STK36: variants seen among roughly 807,000 people sequenced by gnomAD.
The protein encoded by STK36 is serine/threonine-protein kinase 36.
A neutral mutation model predicts 142.2 loss-of-function variants in STK36; 116 were observed. The observed-to-expected ratio is 0.82, with a 90% CI of 0.70 to 0.95. STK36 has a LOEUF of 0.95. Among genes scored for constraint, STK36 ranks in the 40% least tolerant of loss-of-function variants. The probability of loss-of-function intolerance (pLI) is 0.00; values close to 1 mark genes in which losing one functional copy is unlikely to be tolerated. For synonymous variants in STK36, 619 were observed against 641.7 expected (o/e 0.96, Z 0.53); for missense variants, 1,422 against 1,617.2 (o/e 0.88, Z 2.07).
chr2:218,677,461 T>A (rs1028555413), intron 6 of STK36, among the ~76,000 whole-genome samples: 2 of 152,226 alleles, frequency 1.3e-5, no homozygotes, highest in African/African-American at 4.8e-5. Context: ...GTCTTAATTC[T>A]GGGAGGGTGT....
intron 13 of STK36, 110 bp downstream of exon 13, chr2:218,690,066 C>A (rs1940936491): frequency 4.6e-6 from 5 of 1,081,318 alleles, no homozygotes; most frequent in South Asian, 1.4e-5. Context: ...TGATTTGTTA[C>A]AGGTTTAGGA....
intron 6 of STK36, among the ~76,000 whole-genome samples, chr2:218,677,196 G>A (rs1277375816): frequency 1.3e-5 from 2 of 152,210 alleles, no homozygotes; most frequent in African/African-American, 4.8e-5. Flanking sequence ...GCCTCCCAAA[G>A]TGCTGGGATC....
intron 1 of STK36, 72 bp downstream of exon 1, chr2:218,672,287 C>T: frequency 2.1e-6 from 1 of 466,170 alleles, no homozygotes; most frequent in Non-Finnish European, 3.9e-6. Flanking sequence ...GCAACGTATG[C>T]AGGCAGCCAG....
At chr2:218,676,003 C>T in intron 5 of STK36, 26 bp from the exon 6 acceptor site, 6 of 1,611,008 alleles carry the variant, frequency 3.7e-6, no homozygotes, top group Non-Finnish European at 5.1e-6. Context: ...TTTCCCTTTC[C>T]ATTTCCATCC....
chr2:218,701,140 T>TA (rs1331545356), intron 26 of STK36, among the ~76,000 whole-genome samples: 4 of 151,206 alleles, frequency 2.6e-5, no homozygotes, highest in African/African-American at 9.7e-5. Flanking sequence ...GAAGATCTTT[T>TA]TTTTTTTTTT....
intron 2 of STK36, 71 bp downstream of exon 2, chr2:218,672,984 AAGGAATGTATTTAT>A: frequency 1.5e-6 from 2 of 1,378,888 alleles, no homozygotes; most frequent in Non-Finnish European, 1.0e-6. Context: ...ATGGATCTAG[AAGGAATGTATTTAT>A]ACCAGTTTGT....
At position 218,693,967 on chromosome 2, in the gene STK36, C is replaced by T; in HGVS notation, c.2320C>T (p.Gln774Ter). The T allele has an allele frequency of 1.2e-6, 2 of 1,614,218 alleles. No individual in the cohort carries two copies. The highest frequency in any genetic ancestry group is 1.3e-5 in the African/African-American group (1 of 75,062). Residue 774 changes from glutamine to a stop codon, truncating the protein, a stop_gained, in exon 19 of 27, where the codon CAA becomes TAA. Coordinates refer to ENST00000295709, the MANE Select transcript of STK36 (RefSeq NM_015690.5). LOFTEE classifies it high-confidence loss of function. ...CCTCTCCCTTCTTGTCTTTCGGCTC[C>T]AAAACCTGCCTTGTGGGTAAGTCAT... is the stretch of plus-strand genomic sequence containing the variant. ...YFLSLLVFRL[Q>*]NLPCGMEKLG...
At chr2:218,684,874 C>T in intron 10 of STK36, 1 of 501,368 alleles carries the variant, frequency 2.0e-6, no homozygotes, top group Non-Finnish European at 3.5e-6. Context: ...TTTATGCACA[C>T]ATGCCGGTGT....
intron 9 of STK36, among the ~76,000 whole-genome samples, 159 bp downstream of exon 9, chr2:218,680,239 A>T (rs1056751618): frequency 2.0e-5 from 3 of 152,094 alleles, no homozygotes; most frequent in Admixed American, 2.0e-4. Context: ...CTAATTATAG[A>T]TGTTTTTCTG....
chr2:218,680,798 T>C, intron 10 of STK36, 96 bp downstream of exon 10: 1 of 963,358 alleles, frequency 1.0e-6, no homozygotes, highest in East Asian at 2.7e-5. Context: ...ACTCCCTAAG[T>C]ATGAGCTCCC....
intron 14 of STK36, among the ~76,000 whole-genome samples, chr2:218,691,906 A>T (rs1227829932): frequency 1.3e-5 from 2 of 152,222 alleles, no homozygotes; most frequent in Non-Finnish European, 2.9e-5. Flanking sequence ...ACTTTGAGAA[A>T]CATCATCTAG....
chr2:218,698,023 A>G (rs1340261871), intron 25 of STK36, 22 bp downstream of exon 25: 1 of 1,613,886 alleles, frequency 6.2e-7, no homozygotes, highest in Non-Finnish European at 8.5e-7. Context: ...GCTAGCATGA[A>G]GGTGGGAGAG....
intron 11 of STK36, among the ~76,000 whole-genome samples, chr2:218,687,676 G>A (rs543929833): frequency 2.0e-4 from 30 of 152,264 alleles, no homozygotes; most frequent in African/African-American, 7.0e-4. Context: ...CATTAGCTGC[G>A]TGATCTTGGA....
intron 6 of STK36, 77 bp from the exon 7 acceptor site, chr2:218,679,091 G>A: frequency 1.4e-6 from 2 of 1,392,348 alleles, no homozygotes; most frequent in Non-Finnish European, 2.0e-6. Flanking sequence ...GGGATTCTTG[G>A]TTTGCTAGTT....
chr2:218,679,227 C>T lies in STK36; in HGVS notation c.744C>T (p.Leu248=), dbSNP rs763860177. The change falls in exon 7 of 27, where the codon CTC becomes CTT. Residue 248 remains leucine, a synonymous_variant. Coordinates refer to ENST00000295709, the MANE Select transcript of STK36 (RefSeq NM_015690.5). ...GGCAGCGACTGTCCTGGCCAGACCT[C>T]TTATATCACCCCTTTATTGCTGGTC... is the stretch of plus-strand genomic sequence containing the variant. ...DPRQRLSWPD[L]LYHPFIAGHV... 1 of 1,614,222 alleles carries T rather than the reference C, an allele frequency of 6.2e-7. No individual in the cohort carries two copies. Among genetic ancestry groups the T allele is most frequent in the Non-Finnish European group, 8.5e-7 (1 of 1,180,030 alleles).
In STK36 at chr2:218,673,652, T is replaced by C. The variant is rs764565304; in HGVS notation, c.112T>C (p.Leu38=). ...QVVALKFIPK[L]GRSEKELRNL... Reference sequence around the variant, plus strand: ...CGTGGCCCTGAAGTTCATCCCAAAATTGGGGCGCTCAGAGAAGGAGCTGAG... The same window carrying C: ...CGTGGCCCTGAAGTTCATCCCAAAACTGGGGCGCTCAGAGAAGGAGCTGAG... The change falls in exon 3 of 27, where the codon TTG becomes CTG. Residue 38 remains leucine (L), a synonymous_variant. Coordinates refer to ENST00000295709, the MANE Select transcript of STK36 (RefSeq NM_015690.5). 3 of 1,614,040 alleles carry C rather than the reference T, an allele frequency of 1.9e-6. No individual in the cohort carries two copies. The highest frequency in any genetic ancestry group is 2.5e-6 in the Non-Finnish European group (3 of 1,179,996).
Position 218,675,473 on chromosome 2 carries a change from G to C in STK36, c.434G>C (p.Gly145Ala), listed in dbSNP as rs745599918. ...GGTGGCATCAAGCTCTGTGACTTTG[G>C]GTAAAGATTCTGAGCATCCATCTAA... Reference protein sequence around the residue: ...KGGGIKLCDFGFARAMSTNTM... With the variant: ...KGGGIKLCDFAFARAMSTNTM... Residue 145 changes from glycine to alanine, a missense_variant and splice_region_variant, in exon 5 of 27, where the codon GGA (glycine) becomes GCA (alanine). By Grantham distance (60) the Gly-to-Ala change is moderately conservative (BLOSUM62 0). Transcript: ENST00000295709. 6.2e-6 allele frequency: 10 copies of C among 1,611,206 alleles called. No homozygotes were observed. In the South Asian group the frequency reaches 8.8e-5, roughly 14 times the overall value.
rs1237952188 is a variant in STK36 at position 218,679,920 on chromosome 2, G to C, written c.976G>C (p.Glu326Gln). Residue 326 changes from glutamate to glutamine, a missense_variant, in exon 9 of 27, where the codon GAG (glutamate) becomes CAG (glutamine). Physicochemically the swap from Glu to Gln is conservative, Grantham distance 29. Around this residue, in one of 2 missense-constraint regions of STK36, gnomAD observed 460 missense variants for 449.6 expected, o/e 1.02. Transcript: ENST00000295709. ...ACATCAGAACACAGGACCTGCCCTT[G>C]AGCAAGAGGACAAGACCAGCAAGGT... ...KKHQNTGPAL[E>Q]QEDKTSKVAP... 2 of 1,613,948 alleles carry C rather than the reference G, an allele frequency of 1.2e-6. No homozygotes were observed. The highest frequency in any genetic ancestry group is 1.7e-6 in the Non-Finnish European group (2 of 1,179,982).
rs1250486067 is a variant in STK36 at position 218,676,289 on chromosome 2, T to C, written c.684+11T>C. On this transcript the variant is annotated intron_variant, in intron 6 of 26. Coordinates refer to ENST00000295709, the MANE Select transcript of STK36 (RefSeq NM_015690.5). ...AGTCCCTGCTTTAAGGTAATGAATA[T>C]TGAAAGGGAGATGACTTTTACATTA... 6.2e-7 allele frequency: 1 copy of C among 1,613,480 alleles called. No individual in the cohort carries two copies. Among genetic ancestry groups the C allele is most frequent in the Admixed American group, 1.7e-5 (1 of 59,980 alleles).
Sources: allele counts gnomAD v4.1 joint callset (sites outside exome capture counted in the v4.1 genomes callset), GRCh38; gene constraint gnomAD v4.1.1; regional missense constraint gnomAD v4.1.1; transcripts MANE v1.5; gene names NCBI Gene and HGNC (gene_info 2026-07-23, HGNC 2026-07-21).